The following ASCC3 variants were observed in gnomAD, a reference collection of about 807,000 sequenced individuals.
ASCC3 encodes the protein activating signal cointegrator 1 complex subunit 3.
In ASCC3, 158 loss-of-function variants were observed where a neutral mutation model predicts 256.3. The ratio of observed to expected loss-of-function variants is 0.62; its 90% CI spans 0.54 to 0.70. The LOEUF is 0.70. Among genes scored for constraint, ASCC3 ranks in the 30% least tolerant of loss-of-function variants. The pLI, the probability that ASCC3 is intolerant of heterozygous loss-of-function variation, is 0.00. For missense variants in ASCC3, 2,259 were observed against 2,626.0 expected (o/e 0.86, Z 3.05); for synonymous variants, 948 against 883.4 (o/e 1.07, Z -1.30).
intron 40 of ASCC3, among the ~76,000 whole-genome samples, chr6:100,512,417 C>G (rs1773808971): frequency 1.3e-5 from 2 of 152,172 alleles, no homozygotes; most frequent in South Asian, 4.1e-4. Context: ...GCCAAGGAAT[C>G]TGCACTTTAA....
intron 10 of ASCC3, among the ~76,000 whole-genome samples, chr6:100,743,452 T>A (rs1780526590): frequency 1.3e-5 from 2 of 151,978 alleles, no homozygotes; most frequent in Admixed American, 1.3e-4. Context: ...GACTTCCCCA[T>A]CCCCTTCAAT....
At chr6:100,878,652 A>G (rs1376387363) in intron 1 of ASCC3, among the ~76,000 whole-genome samples, 31 of 152,192 alleles carry the variant, frequency 2.0e-4, no homozygotes, top group Non-Finnish European at 1.5e-5. Context: ...AGCACAGATT[A>G]TGTCTGAAAG....
At chr6:100,675,585 TA>T (rs1562217835) in intron 14 of ASCC3, among the ~76,000 whole-genome samples, 2 of 152,190 alleles carry the variant, frequency 1.3e-5, no homozygotes, top group African/African-American at 4.8e-5. Context: ...ATCTACATAA[TA>T]AAAAGTCAGA....
chr6:100,664,973 T>C (rs942816219), intron 14 of ASCC3, among the ~76,000 whole-genome samples: 1 of 152,238 alleles, frequency 6.6e-6, no homozygotes, highest in Non-Finnish European at 1.5e-5. Context: ...AATGTTCTGC[T>C]GTCCTTCTTA....
chr6:100,596,990 C>A (rs1044267036), intron 34 of ASCC3, among the ~76,000 whole-genome samples: 1 of 152,160 alleles, frequency 6.6e-6, no homozygotes, highest in Non-Finnish European at 1.5e-5. Flanking sequence ...TCCTTGAATA[C>A]ACCAGGCATG....
rs1167671164 is a variant in ASCC3, at chr6:100,518,126, G to A, written c.5792C>T (p.Ala1931Val). 5.6e-6 allele frequency: 9 copies of A among 1,613,374 alleles called. No individual in the cohort carries two copies. Among genetic ancestry groups the A allele is most frequent in the Non-Finnish European group, 7.6e-6 (9 of 1,179,640 alleles). The stretch of plus-strand genomic sequence containing the variant: ...AGTCACCAGCCAGCCCTGGTTTGCA[G>A]CCACGTCCAGCATTGCCTGAACAGG... Reference protein sequence around the residue: ...LRVCQAMLDVAANQGWLVTVL... With the variant: ...LRVCQAMLDVVANQGWLVTVL... Residue 1931 changes from alanine (A) to valine (V), a missense_variant, in exon 38 of 42, where the codon GCT (alanine) becomes GTT (valine). Physicochemically the swap from Ala to Val is moderately conservative, Grantham distance 64. This residue lies in a region of ASCC3 where 1,839 missense variants were observed against 2,206.7 expected (regional missense o/e 0.83). Coordinates refer to ENST00000369162, the MANE Select transcript of ASCC3 (RefSeq NM_006828.4).
chr6:100,748,200 C>A lies in ASCC3; in HGVS notation c.1737+18365G>T, dbSNP rs9498260. Among the ~76,000 whole-genome samples the A allele has an allele frequency of 4.8e-3, 736 of 152,004 alleles. 9 individuals are homozygous for A. Among genetic ancestry groups the A allele is most frequent in the African/African-American group, 0.017 (712 of 41,506 alleles). ...ATTTCTAAACAGGGAAGAAAATAAT[C>A]TACTTTTTCTTTTGTCTTTGAATTG... On this transcript the variant is annotated intron_variant, in intron 10 of 41. Transcript: ENST00000369162.
chr6:100,823,183 C>T (rs981785540), intron 4 of ASCC3, among the ~76,000 whole-genome samples: 4 of 152,182 alleles, frequency 2.6e-5, no homozygotes, highest in African/African-American at 9.7e-5. Flanking sequence ...TAACATTTGC[C>T]ATTTTCATCC....
chr6:100,685,778 T>G (rs1367006836), intron 13 of ASCC3, among the ~76,000 whole-genome samples: 1 of 152,228 alleles, frequency 6.6e-6, no homozygotes, highest in Non-Finnish European at 1.5e-5. Flanking sequence ...GTGATTACAT[T>G]ACCACATTTG....
At chr6:100,544,158 TA>T (rs1775595213) in intron 36 of ASCC3, among the ~76,000 whole-genome samples, 9 of 152,100 alleles carry the variant, frequency 5.9e-5, no homozygotes, top group African/African-American at 2.2e-4. Context: ...TTTTGTGGGA[TA>T]TCATTGGAAC....
chr6:100,621,842 T>TCA (rs1773966935), intron 30 of ASCC3, among the ~76,000 whole-genome samples: 1 of 152,154 alleles, frequency 6.6e-6, no homozygotes, highest in East Asian at 1.9e-4. Context: ...TCAACCCAAA[T>TCA]GCCCATCAGT....
At chr6:100,662,126 C>CA (rs1776250438) in intron 15 of ASCC3, 96 bp from the exon 16 acceptor site, 6 of 1,269,580 alleles carry the variant, frequency 4.7e-6, no homozygotes, top group African/African-American at 1.5e-5. Context: ...GGCAAGATCT[C>CA]AAAAGTGTAC....
rs186855771 is a variant in ASCC3 at position 100,628,665 on chromosome 6, G to A, written c.4375+350C>T. Among the ~76,000 whole-genome samples, 235 of 152,132 alleles carry A rather than the reference G, an allele frequency of 1.5e-3. 1 individual carries two copies. The highest frequency in any genetic ancestry group is 2.6e-3 in the Non-Finnish European group (176 of 68,002). Reference sequence around the variant, plus strand: ...TCAGTCATGATTGAAAGCTTCCTGAGGCCTCCCCAGAAGCAGGAGCCACTA... The same window carrying A: ...TCAGTCATGATTGAAAGCTTCCTGAAGCCTCCCCAGAAGCAGGAGCCACTA... On this transcript the variant is annotated intron_variant, in intron 27 of 41. Coordinates refer to ENST00000369162, the MANE Select transcript of ASCC3 (RefSeq NM_006828.4).
chr6:100,620,368 T>C (rs984724319), intron 30 of ASCC3, among the ~76,000 whole-genome samples: 2 of 152,204 alleles, frequency 1.3e-5, no homozygotes, highest in East Asian at 3.8e-4. Context: ...GGTTTCCTGA[T>C]GCAGTATAAC....
At chr6:100,814,433 G>C (rs528360309) in intron 4 of ASCC3, among the ~76,000 whole-genome samples, 1 of 152,042 alleles carries the variant, frequency 6.6e-6, no homozygotes, top group African/African-American at 2.4e-5. Context: ...CCAGGTTTTG[G>C]TATCAGGATG....
At chr6:100,788,104 A>T (rs1769179051) in intron 8 of ASCC3, among the ~76,000 whole-genome samples, 1 of 152,026 alleles carries the variant, frequency 6.6e-6, no homozygotes, top group Non-Finnish European at 1.5e-5. Flanking sequence ...GACTACACAA[A>T]GAAGTCTCAA....
chr6:100,630,399 G>A (rs1774476823), intron 26 of ASCC3, among the ~76,000 whole-genome samples: 1 of 151,220 alleles, frequency 6.6e-6, no homozygotes, highest in Non-Finnish European at 1.5e-5. Context: ...TAGACAGCTA[G>A]TTCTCATTCT....
At chr6:100,605,527 G>A (rs765348463) in intron 33 of ASCC3, 41 bp downstream of exon 33, 1 of 1,384,264 alleles carries the variant, frequency 7.2e-7, no homozygotes, top group South Asian at 1.2e-5. Flanking sequence ...ACCAACTTGT[G>A]ATTAAATAAA....
chr6:100,771,260 T>C (rs1187356301), intron 8 of ASCC3, among the ~76,000 whole-genome samples: 1 of 152,088 alleles, frequency 6.6e-6, no homozygotes, highest in Non-Finnish European at 1.5e-5. Context: ...ATACCTTGTG[T>C]CACATACAAA....
Sources: gnomAD v4.1 joint callset for allele counts (sites outside exome capture counted in the v4.1 genomes callset) on GRCh38, gnomAD v4.1.1 for gene constraint, gnomAD v4.1.1 regional missense constraint, MANE v1.5 for transcripts, NCBI Gene and HGNC (gene_info 2026-07-23, HGNC 2026-07-21) for gene names.